The following MACROD2 variants were observed in gnomAD, a reference collection of about 807,000 sequenced individuals.
The protein encoded by MACROD2 is ADP-ribose glycohydrolase MACROD2.
Under a neutral mutation model 70.4 loss-of-function variants are expected in MACROD2, and 36 were observed. The observed-to-expected ratio is 0.51, with a 90% CI of 0.39 to 0.68. The LOEUF is 0.68. MACROD2 is among the 30% of genes least tolerant of loss of function. MACROD2 has a pLI of 0.00. For missense variants in MACROD2, 496 were observed against 538.4 expected (o/e 0.92, Z 0.78); for synonymous variants, 172 against 178.8 (o/e 0.96, Z 0.30).
intron 16 of MACROD2, among the ~76,000 whole-genome samples, chr20:16,044,193 G>C (rs1164098872): frequency 6.6e-6 from 1 of 152,078 alleles, no homozygotes; most frequent in Admixed American, 6.6e-5. Context: ...GGCCAGACTA[G>C]AAGCAAGACT....
chr20:15,473,696 CTT>C (rs1335764463), intron 7 of MACROD2, among the ~76,000 whole-genome samples: 2 of 152,192 alleles, frequency 1.3e-5, no homozygotes, highest in Non-Finnish European at 2.9e-5. Flanking sequence ...GCTACAGTGA[CTT>C]TGCCAATTCC....
rs558604790 is a variant in MACROD2 at position 14,240,863 on chromosome 20, G to A, written c.271+155135G>A. On this transcript the variant is annotated intron_variant, in intron 3 of 17. Transcript: ENST00000684519. ...ATAAAAGTTTTGGCTGGGCGTGGCG[G>A]CTCTTGCCTGTAATCTCAGCACTTT... Among the ~76,000 whole-genome samples, 8 of 152,316 alleles carry A rather than the reference G, an allele frequency of 5.3e-5. No individual in the cohort carries two copies. The East Asian group carries it at 1.5e-3, about 29-fold the overall frequency.
chr20:14,226,136 A>C (rs751560583), intron 3 of MACROD2, among the ~76,000 whole-genome samples: 1 of 152,152 alleles, frequency 6.6e-6, no homozygotes, highest in African/African-American at 2.4e-5. Flanking sequence ...CAGGGAATGT[A>C]AAGGGCAAAG....
At chr20:14,669,386 G>A (rs1398716192) in intron 4 of MACROD2, among the ~76,000 whole-genome samples, 1 of 152,144 alleles carries the variant, frequency 6.6e-6, no homozygotes, top group Non-Finnish European at 1.5e-5. Flanking sequence ...AGACATCCAA[G>A]TAAAAGTTCA....
intron 6 of MACROD2, among the ~76,000 whole-genome samples, chr20:15,401,243 T>G (rs2045926669): frequency 6.6e-6 from 1 of 152,138 alleles, no homozygotes; most frequent in African/African-American, 2.4e-5. Context: ...TTTCACTGTG[T>G]TAGCCAGGAT....
At chr20:15,386,107 C>A (rs932139252) in intron 6 of MACROD2, among the ~76,000 whole-genome samples, 1 of 152,102 alleles carries the variant, frequency 6.6e-6, no homozygotes, top group African/African-American at 2.4e-5. Context: ...AGTGTATAAT[C>A]AGAAAAGCAG....
intron 8 of MACROD2, among the ~76,000 whole-genome samples, chr20:15,696,075 C>T (rs1490917286): frequency 4.6e-5 from 7 of 152,194 alleles, no homozygotes; most frequent in Non-Finnish European, 8.8e-5. Flanking sequence ...ACTTCCAGTA[C>T]TATGTTGAAG....
intron 5 of MACROD2, among the ~76,000 whole-genome samples, chr20:14,720,242 G>A (rs903777648): frequency 5.3e-5 from 8 of 152,080 alleles, no homozygotes; most frequent in East Asian, 1.9e-4. Context: ...AAAGTACAGC[G>A]TTCTAATCAA....
At chr20:15,372,332 C>T (rs1377372332) in intron 6 of MACROD2, among the ~76,000 whole-genome samples, 1 of 152,172 alleles carries the variant, frequency 6.6e-6, no homozygotes, top group Non-Finnish European at 1.5e-5. Context: ...TTTACATTCT[C>T]CTCAGCATTG....
At chr20:15,426,848 G>C (rs1199798570) in intron 6 of MACROD2, among the ~76,000 whole-genome samples, 2 of 152,116 alleles carry the variant, frequency 1.3e-5, no homozygotes, top group African/African-American at 4.8e-5. Flanking sequence ...TTGCATGGAA[G>C]GTGGTTATAT....
chr20:15,550,658 C>T (rs1415472910), intron 8 of MACROD2, among the ~76,000 whole-genome samples: 1 of 152,200 alleles, frequency 6.6e-6, no homozygotes, highest in African/African-American at 2.4e-5. Context: ...ATGGTTTTCA[C>T]ATCCACTGAT....
At chr20:14,378,407 A>C (rs204653) in intron 3 of MACROD2, among the ~76,000 whole-genome samples, 1,759 of 152,224 alleles carry the variant, frequency 0.012, 29 homozygotes, top group African/African-American at 0.04. Flanking sequence ...AGCTCACATA[A>C]AATGACAGGT....
At chr20:14,247,530 A>G (rs547161432) in intron 3 of MACROD2, among the ~76,000 whole-genome samples, 1 of 152,304 alleles carries the variant, frequency 6.6e-6, no homozygotes, top group East Asian at 1.9e-4. Flanking sequence ...TTGGAGATAG[A>G]GTTTTAAATA....
chr20:14,661,978 C>G (rs1986249500), intron 4 of MACROD2, among the ~76,000 whole-genome samples: 1 of 152,020 alleles, frequency 6.6e-6, no homozygotes, highest in Non-Finnish European at 1.5e-5. Flanking sequence ...ACGGTTATTG[C>G]AATAAGTTCC....
chr20:14,584,832 A>G (rs1404592972), intron 4 of MACROD2, among the ~76,000 whole-genome samples: 2 of 152,218 alleles, frequency 1.3e-5, no homozygotes, highest in Non-Finnish European at 2.9e-5. Flanking sequence ...AAGTTAAACT[A>G]GAAATTATTG....
At chr20:15,485,021 T>G (rs1258523260) in intron 7 of MACROD2, among the ~76,000 whole-genome samples, 1 of 152,090 alleles carries the variant, frequency 6.6e-6, no homozygotes, top group African/African-American at 2.4e-5. Context: ...TTGGTTTAGC[T>G]GTTCACGTGT....
At chr20:15,570,023 T>A (rs1361513607) in intron 8 of MACROD2, among the ~76,000 whole-genome samples, 2 of 152,172 alleles carry the variant, frequency 1.3e-5, no homozygotes, top group African/African-American at 4.8e-5. Context: ...ATTGCTGGAT[T>A]ATATGGTAGT....
intron 5 of MACROD2, among the ~76,000 whole-genome samples, chr20:14,761,009 T>C (rs555670382): frequency 6.6e-6 from 1 of 152,230 alleles, no homozygotes; most frequent in East Asian, 1.9e-4. Flanking sequence ...CACCTTCTTC[T>C]GGAGCTCCTC....
chr20:14,857,082 GT>G (rs1458834178), intron 5 of MACROD2, among the ~76,000 whole-genome samples: 3 of 152,058 alleles, frequency 2.0e-5, no homozygotes. Context: ...TCCAAATCTT[GT>G]TATTTTCTCA....
Sources: gnomAD v4.1 joint callset for allele counts (sites outside exome capture counted in the v4.1 genomes callset) on GRCh38, gnomAD v4.1.1 for gene constraint, MANE v1.5 for transcripts, NCBI Gene and HGNC (gene_info 2026-07-23, HGNC 2026-07-21) for gene names.